Variants in CHD1 observed in about 807,000 individuals in gnomAD.
CHD1 encodes ATP-dependent chromatin remodeler CHD1.
CHD1 carries 36 observed loss-of-function variants against 224.2 expected under a neutral mutation model. The observed-to-expected ratio is 0.16, with a 90% CI of 0.12 to 0.21. The LOEUF (loss-of-function observed/expected upper bound fraction) is 0.21, where lower values mean the gene tolerates loss of function less well. Among genes scored for constraint, CHD1 ranks in the 10% least tolerant of loss-of-function variants. The pLI is 1.00. For synonymous variants in CHD1, 668 were observed against 658.3 expected (o/e 1.01, Z -0.23); for missense variants, 1,378 against 1,994.8 (o/e 0.69, Z 5.89).
rs148838163 is a variant in CHD1, at chr5:98,858,160, A to G, written c.4787+20T>C. On this transcript the variant is annotated intron_variant, in intron 35 of 35. Coordinates refer to ENST00000614616, the MANE Select transcript of CHD1 (RefSeq NM_001270.4). ...AAAAACATGCATAAGCAAAATTTCTAAAGTGACTGCCAAGTTTACCTGCTG... is the reference window on the plus strand; with the variant it reads ...AAAAACATGCATAAGCAAAATTTCTGAAGTGACTGCCAAGTTTACCTGCTG... 56 of 1,606,284 alleles carry G rather than the reference A, an allele frequency of 3.5e-5. No homozygotes were observed. The Middle Eastern group carries it at 5.0e-4, about 14-fold the overall frequency.
chr5:98,889,704 T>A (rs1290491371), intron 15 of CHD1: 2 of 152,442 alleles, frequency 1.3e-5, no homozygotes, highest in Non-Finnish European at 2.9e-5. Flanking sequence ...GATATTTTAC[T>A]ACTCCAAACT....
chr5:98,913,051 A>G (rs1250904492), intron 2 of CHD1, among the ~76,000 whole-genome samples: 1 of 152,254 alleles, frequency 6.6e-6, no homozygotes, highest in Non-Finnish European at 1.5e-5. Flanking sequence ...CTTGACAAAG[A>G]GAGCTATAAA....
chr5:98,871,905 A>AGAG (rs1749382173), intron 28 of CHD1, 146 bp downstream of exon 28: 1 of 560,248 alleles, frequency 1.8e-6, no homozygotes, highest in African/African-American at 1.9e-5. Flanking sequence ...TTTCATGCAA[A>AGAG]GCATCTTCTA....
intron 15 of CHD1, among the ~76,000 whole-genome samples, chr5:98,890,923 T>C (rs917124782): frequency 1.3e-5 from 2 of 152,170 alleles, no homozygotes; most frequent in African/African-American, 2.4e-5. Flanking sequence ...TCAATTGCCA[T>C]ATATGAACCT....
chr5:98,889,840 A>G (rs1421180220), intron 15 of CHD1: 1 of 152,212 alleles, frequency 6.6e-6, no homozygotes, highest in Non-Finnish European at 1.5e-5. Context: ...TTTTGTATAT[A>G]TATCCCATGA....
At chr5:98,867,680 C>A (rs1391186710) in intron 31 of CHD1, among the ~76,000 whole-genome samples, 1 of 151,568 alleles carries the variant, frequency 6.6e-6, no homozygotes, top group Non-Finnish European at 1.5e-5. Context: ...TCTTAAAAGT[C>A]TTTATTAAAA....
chr5:98,870,182 A>G (rs1324953683), intron 29 of CHD1, among the ~76,000 whole-genome samples: 1 of 152,220 alleles, frequency 6.6e-6, no homozygotes, highest in African/African-American at 2.4e-5. Flanking sequence ...TCTATAGCAC[A>G]AGAGACTGCA....
chr5:98,881,836 G>A lies in CHD1; in HGVS notation c.2867+139C>T, dbSNP rs1750213329. 4 of 684,036 alleles carry A rather than the reference G, an allele frequency of 5.8e-6. No individual in the cohort carries two copies. The South Asian group carries it at 1.0e-4, about 18-fold the overall frequency. The allele number at this position is 684,036 out of a possible 1,614,324, so 42.4% of individuals were successfully genotyped here. On this transcript the variant is annotated intron_variant, in intron 20 of 35. Coordinates refer to ENST00000614616, the MANE Select transcript of CHD1 (RefSeq NM_001270.4). ...GTATTTGAAGTATGTCTTCTAACTA[G>A]AAATTAGTCCAAAGTCTTCCAAAAT...
intron 2 of CHD1, among the ~76,000 whole-genome samples, chr5:98,907,035 G>A (rs966795014): frequency 1.6e-4 from 25 of 152,216 alleles, no homozygotes; most frequent in Admixed American, 1.4e-3. Flanking sequence ...TTGTGGGCCT[G>A]TAATTCTCAT....
chr5:98,858,679 T>C (rs921788877), intron 34 of CHD1: 2 of 415,888 alleles, frequency 4.8e-6, no homozygotes, highest in African/African-American at 4.1e-5. Flanking sequence ...CTATTCCAAA[T>C]TACATAAAAA....
chr5:98,879,827 A>T (rs1750036035), intron 22 of CHD1, 99 bp from the exon 23 acceptor site: 2 of 703,770 alleles, frequency 2.8e-6, no homozygotes, highest in East Asian at 5.5e-5. Context: ...TAGGATAATG[A>T]ACATGGCTGT....
chr5:98,873,217 T>C (rs1010365990), intron 26 of CHD1, among the ~76,000 whole-genome samples: 1 of 152,120 alleles, frequency 6.6e-6, no homozygotes, highest in African/African-American at 2.4e-5. Flanking sequence ...CCCAAACCAA[T>C]ATCATATGTG....
Position 98,898,318 on chromosome 5 carries a change from C to T in CHD1, c.1303G>A (p.Ala435Thr). Residue 435 changes from alanine (A) to threonine (T), a missense_variant, in exon 10 of 36, where the codon GCA (alanine) becomes ACA (threonine). This residue lies in a region of CHD1 where 86 missense variants were observed against 97.7 expected (regional missense o/e 0.88). Coordinates refer to ENST00000614616, the MANE Select transcript of CHD1 (RefSeq NM_001270.4). ...CTGCTAAAATACTCATCAATGCATG[C>T]TTGAAACTTTTTGGAAATGAGAGCT... ...DGALISKKFQ[A>T]CIDEYFSRNQ... 2 of 1,601,880 alleles carry T rather than the reference C, an allele frequency of 1.2e-6. No homozygotes were observed. The highest frequency in any genetic ancestry group is 1.7e-6 in the Non-Finnish European group (2 of 1,174,602).
chr5:98,927,924 C>G (rs1426029433), intron 1 of CHD1, among the ~76,000 whole-genome samples: 1 of 152,222 alleles, frequency 6.6e-6, no homozygotes, highest in African/African-American at 2.4e-5. Context: ...TCCACAATGA[C>G]TACCCTAAGT....
At position 98,896,375 on chromosome 5, in the gene CHD1, T is replaced by C. The variant is rs781242005; in HGVS notation, c.1561A>G (p.Asn521Asp). ...GKTIQTISFL[N>D]YLFHEHQLYG... is the part of the protein sequence containing the mutation. Reference sequence around the variant, plus strand: ...AATTGATGTTCATGAAACAAATAATTCAGAAATGAGATCGTCTGTATTGTT... The same window carrying C: ...AATTGATGTTCATGAAACAAATAATCCAGAAATGAGATCGTCTGTATTGTT... Residue 521 changes from asparagine (N) to aspartate (D), a missense_variant, in exon 12 of 36, where the codon AAT becomes GAT. By Grantham distance (23) the Asn-to-Asp change is conservative. This residue lies in a region of CHD1 where 49 missense variants were observed against 135.7 expected (regional missense o/e 0.36). Coordinates refer to ENST00000614616, the MANE Select transcript of CHD1 (RefSeq NM_001270.4). 3 of 1,613,886 alleles carry C rather than the reference T, an allele frequency of 1.9e-6. No homozygotes were observed. The highest frequency in any genetic ancestry group is 2.5e-6 in the Non-Finnish European group (3 of 1,179,874).
chr5:98,924,307 C>G (rs1039336744), intron 2 of CHD1, among the ~76,000 whole-genome samples: 18 of 152,214 alleles, frequency 1.2e-4, no homozygotes, highest in African/African-American at 4.1e-4. Context: ...CTTCTATTTA[C>G]TTAACTATAG....
At chr5:98,891,861 A>G (rs1751041928) in intron 15 of CHD1, among the ~76,000 whole-genome samples, 1 of 152,192 alleles carries the variant, frequency 6.6e-6, no homozygotes, top group South Asian at 2.1e-4. Context: ...AGTCATGGGT[A>G]TAAGAGTTCA....
At position 98,876,386 on chromosome 5, in the gene CHD1, A is replaced by G. The variant is rs750315154; in HGVS notation, c.3398+12T>C. On this transcript the variant is annotated intron_variant, in intron 24 of 35. Coordinates refer to ENST00000614616, the MANE Select transcript of CHD1 (RefSeq NM_001270.4). ...AAAACCAAGTTGAAGCGATTGTCTT[A>G]TAACACCTTACCGCCTAATTTCTGC... 14 of 1,612,958 alleles carry G rather than the reference A, an allele frequency of 8.7e-6. No homozygotes were observed. The Middle Eastern group carries it at 4.9e-4, about 57-fold the overall frequency.
intron 31 of CHD1, among the ~76,000 whole-genome samples, chr5:98,866,755 T>C (rs1205715626): frequency 3.3e-5 from 5 of 152,202 alleles, no homozygotes; most frequent in Non-Finnish European, 7.4e-5. Flanking sequence ...CATCTATATA[T>C]CAGACTATAA....
Sources: allele counts gnomAD v4.1 joint callset (sites outside exome capture counted in the v4.1 genomes callset), GRCh38; gene constraint gnomAD v4.1.1; regional missense constraint gnomAD v4.1.1; transcripts MANE v1.5; gene names NCBI Gene and HGNC (gene_info 2026-07-23, HGNC 2026-07-21).